CD1D: variants seen among roughly 807,000 people sequenced by gnomAD.
CD1D encodes CD1d molecule.
A neutral mutation model predicts 42.1 loss-of-function variants in CD1D; 40 were observed. The ratio of observed to expected loss-of-function variants is 0.95; its 90% CI spans 0.74 to 1.24. CD1D has a LOEUF of 1.24. Among genes scored for constraint, CD1D ranks in the 50% most tolerant of loss-of-function variants. The pLI is 0.00. For synonymous variants in CD1D, 178 were observed against 171.8 expected (o/e 1.04, Z -0.28); for missense variants, 437 against 416.5 (o/e 1.05, Z -0.43).
At chr1:158,179,173 T>C (rs1446827251), upstream of CD1D, among the ~76,000 whole-genome samples, 1 of 152,060 alleles carries the variant, frequency 6.6e-6, no homozygotes, top group Non-Finnish European at 1.5e-5. Context: ...GCCCCATGAG[T>C]CATATAATTA....
Position 158,186,136 on chromosome 1 carries a change from A to G in CD1D, c.*1986A>G, listed in dbSNP as rs75277424. 6.6e-6 allele frequency among the ~76,000 whole-genome samples: 1 copy of G among 152,158 alleles called. No homozygotes were observed. The highest frequency in any genetic ancestry group is 1.5e-5 in the Non-Finnish European group (1 of 68,030). On this transcript the variant is annotated 3_prime_UTR_variant, in exon 6 of 6. Transcript: ENST00000674085. Reference sequence around the variant, plus strand: ...GGATAATAATTATCTATTATTGATTATCTCCTAGACTTGTGGAGTTCAAGT... The same window carrying G: ...GGATAATAATTATCTATTATTGATTGTCTCCTAGACTTGTGGAGTTCAAGT...
chr1:158,181,043 G>C lies in CD1D; in HGVS notation c.-59G>C, dbSNP rs771521477. 2.5e-5 allele frequency: 36 copies of C among 1,426,810 alleles called. No individual in the cohort carries two copies. The highest frequency in any genetic ancestry group is 3.3e-5 in the Non-Finnish European group (35 of 1,061,002). 88.4% of individuals were successfully genotyped at this position (1,426,810 alleles called of 1,614,324 possible). A position where few individuals can be genotyped will look rare whatever the true frequency, so the allele number is the denominator to read the frequency against. On this transcript the variant is annotated 5_prime_UTR_variant, in exon 1 of 6. Transcript: ENST00000674085. ...GTGAGCTGAGCGGCGGGGGAGAAGA[G>C]TGCGCAGGTCAGAGGGCGGCGCGCA...
chr1:158,182,373 C>T, intron 3 of CD1D, 63 bp downstream of exon 3: 1 of 1,569,632 alleles, frequency 6.4e-7, no homozygotes, highest in Non-Finnish European at 8.8e-7. Context: ...TTTTCCATTC[C>T]AGGGTTCTCA....
At chr1:158,181,927 C>A in intron 2 of CD1D, 105 bp from the exon 3 acceptor site, 1 of 1,440,654 alleles carries the variant, frequency 6.9e-7, no homozygotes, top group Non-Finnish European at 9.4e-7. Flanking sequence ...ACTTTCCTTT[C>A]CCTGAAGTCT....
At position 158,181,531 on chromosome 1, in the gene CD1D, C is replaced by G. The variant is rs747859043; in HGVS notation, c.138C>G (p.Gly46=). The change falls in exon 2 of 6, where the codon GGC becomes GGG. Residue 46 remains glycine, a synonymous_variant. Coordinates refer to ENST00000674085, the MANE Select transcript of CD1D (RefSeq NM_001371762.2). ...ATAGCAGCTGGACGCGCACCGACGG[C>G]TTGGCGTGGCTGGGGGAGCTGCAGA... ...FANSSWTRTD[G]LAWLGELQTH... The G allele has an allele frequency of 6.2e-7, 1 of 1,614,204 alleles. No individual in the cohort carries two copies. Among genetic ancestry groups the G allele is most frequent in the Non-Finnish European group, 8.5e-7 (1 of 1,180,030 alleles).
Position 158,181,069 on chromosome 1 carries a change from G to C in CD1D, c.-33G>C. 1 of 1,531,342 alleles carries C rather than the reference G, an allele frequency of 6.5e-7. No individual in the cohort carries two copies. The highest frequency in any genetic ancestry group is 1.2e-5 in the South Asian group (1 of 81,824). The allele number at this position is 1,531,342 out of a possible 1,614,324, so 94.9% of individuals were successfully genotyped here. On this transcript the variant is annotated 5_prime_UTR_variant, in exon 1 of 6. Coordinates refer to ENST00000674085, the MANE Select transcript of CD1D (RefSeq NM_001371762.2). ...TGCGCAGGTCAGAGGGCGGCGCGCA[G>C]CGGCGCTCCGCGAGGTCCCCACGCC...
chr1:158,184,261 G>T lies in CD1D; in HGVS notation c.*111G>T. The T allele has an allele frequency of 9.3e-7, 1 of 1,080,848 alleles. No homozygotes were observed. The highest frequency in any genetic ancestry group is 1.4e-6 in the Non-Finnish European group (1 of 719,438). The allele number at this position is 1,080,848 out of a possible 1,614,324, so 67.0% of individuals were successfully genotyped here. On this transcript the variant is annotated 3_prime_UTR_variant, in exon 6 of 6. Transcript: ENST00000674085. Reference sequence around the variant, plus strand: ...TGAAGATGTAAGGAATTGAAGATAGGAGAGATACCTTGAAAAAGTAGAGAA... The same window carrying T: ...TGAAGATGTAAGGAATTGAAGATAGTAGAGATACCTTGAAAAAGTAGAGAA...
In CD1D at chr1:158,185,363, A is replaced by T. The variant is rs1558046787; in HGVS notation, c.*1213A>T. Among the ~76,000 whole-genome samples, 1 of 152,166 alleles carries T rather than the reference A, an allele frequency of 6.6e-6. No individual in the cohort carries two copies. Among genetic ancestry groups the T allele is most frequent in the Non-Finnish European group, 1.5e-5 (1 of 68,022 alleles). ...CACACTCTCTATACTAGACTTGCAC[A>T]TATGAATTTAGGATGTGCGTGAAGA... On this transcript the variant is annotated 3_prime_UTR_variant, in exon 6 of 6. Transcript: ENST00000674085.
In CD1D at chr1:158,182,021, C is replaced by T. The variant is rs768477690; in HGVS notation, c.329-11C>T. On this transcript the variant is annotated splice_polypyrimidine_tract_variant and intron_variant, in intron 2 of 5. Coordinates refer to ENST00000674085, the MANE Select transcript of CD1D (RefSeq NM_001371762.2). ...AACCCTTCTTTGATCTTTCTCCATTCCTCTCCACAGATCCCTTGGAGCTCC... is the reference window on the plus strand; with the variant it reads ...AACCCTTCTTTGATCTTTCTCCATTTCTCTCCACAGATCCCTTGGAGCTCC... 2.5e-6 allele frequency: 4 copies of T among 1,591,294 alleles called. No homozygotes were observed. In the Admixed American group the frequency reaches 7.1e-5, roughly 28 times the overall value.
At chr1:158,181,923 C>T in intron 2 of CD1D, 109 bp from the exon 3 acceptor site, 1 of 1,436,770 alleles carries the variant, frequency 7.0e-7, no homozygotes, top group Non-Finnish European at 9.4e-7. Context: ...ACTTACTTTC[C>T]TTTCCCTGAA....
At chr1:158,181,785 C>T (rs1193392036) in intron 2 of CD1D, 64 bp downstream of exon 2, 8 of 1,573,314 alleles carry the variant, frequency 5.1e-6, no homozygotes, top group Middle Eastern at 1.7e-4. Context: ...AGAAACTCAA[C>T]TGGGAGACTG....
chr1:158,182,509 T>TG, intron 3 of CD1D, 199 bp downstream of exon 3: 1 of 642,572 alleles, frequency 1.6e-6, no homozygotes, highest in Non-Finnish European at 2.7e-6. Context: ...AATGAACAAC[T>TG]GGGGGTGAAA....
At chr1:158,183,831 G>A (rs1252834479) in intron 4 of CD1D, 105 bp from the exon 5 acceptor site, 1 of 846,412 alleles carries the variant, frequency 1.2e-6, no homozygotes, top group African/African-American at 1.7e-5. Context: ...AGTGGAGGAG[G>A]AAATAAGAAG....
At chr1:158,181,884 G>A (rs1648445026) in intron 2 of CD1D, 148 bp from the exon 3 acceptor site, 4 of 1,335,604 alleles carry the variant, frequency 3.0e-6, no homozygotes, top group Non-Finnish European at 4.1e-6. Flanking sequence ...ACTCCTCAAA[G>A]TGTCCCTCGT....
chr1:158,178,492 A>C (rs1267271282), upstream of CD1D, among the ~76,000 whole-genome samples: 1 of 152,248 alleles, frequency 6.6e-6, no homozygotes, highest in Non-Finnish European at 1.5e-5. Context: ...AAAGCATATA[A>C]GATTCCAACT....
Position 158,182,191 on chromosome 1 carries a change from T to C in CD1D, c.488T>C (p.Ile163Thr). 6.2e-7 allele frequency: 1 copy of C among 1,614,160 alleles called. No homozygotes were observed. Among genetic ancestry groups the C allele is most frequent in the Non-Finnish European group, 8.5e-7 (1 of 1,180,020 alleles). Reference protein sequence around the residue: ...QEAPLWVNLAIQVLNQDKWTR... With the variant: ...QEAPLWVNLATQVLNQDKWTR... ...GCCCCACTTTGGGTAAACTTGGCCA[T>C]TCAAGTGCTCAACCAGGACAAGTGG... Residue 163 changes from isoleucine (I) to threonine (T), a missense_variant, in exon 3 of 6, where the codon ATT becomes ACT. Ile to Thr is a moderately conservative substitution (Grantham distance 89, BLOSUM62 -1). Transcript: ENST00000674085.
At chr1:158,181,825 G>A (rs1448703449) in intron 2 of CD1D, 104 bp downstream of exon 2, 5 of 1,459,688 alleles carry the variant, frequency 3.4e-6, no homozygotes, top group South Asian at 1.2e-5. Context: ...TCTCTGCTCT[G>A]TCCACCCTCT....
At chr1:158,181,233 G>T in intron 1 of CD1D, 71 bp downstream of exon 1, 26 of 1,512,530 alleles carry the variant, frequency 1.7e-5, no homozygotes, top group Non-Finnish European at 2.3e-5. Flanking sequence ...GGGACGGGGA[G>T]GGCAACGCCT....
At position 158,182,158 on chromosome 1, in the gene CD1D, C is replaced by A. The variant is rs1359105831; in HGVS notation, c.455C>A (p.Thr152Asn). 6.2e-7 allele frequency: 1 copy of A among 1,614,014 alleles called. No individual in the cohort carries two copies. Among genetic ancestry groups the A allele is most frequent in the East Asian group, 2.2e-5 (1 of 44,882 alleles). Residue 152 changes from threonine (T) to asparagine (N), a missense_variant, in exon 3 of 6, where the codon ACC becomes AAC. Coordinates refer to ENST00000674085, the MANE Select transcript of CD1D (RefSeq NM_001371762.2). ...TTCCAAGGAACTTCTTGGGAGCCAACCCAAGAGGCCCCACTTTGGGTAAAC... is the reference window on the plus strand; with the variant it reads ...TTCCAAGGAACTTCTTGGGAGCCAAACCAAGAGGCCCCACTTTGGGTAAAC... ...LSFQGTSWEP[T>N]QEAPLWVNLA... is the part of the protein sequence containing the mutation.
Sources: gnomAD v4.1 joint callset for allele counts (sites outside exome capture counted in the v4.1 genomes callset) on GRCh38, gnomAD v4.1.1 for gene constraint, MANE v1.5 for transcripts, NCBI Gene and HGNC (gene_info 2026-07-23, HGNC 2026-07-21) for gene names.